The following SLC40A1 variants were observed in gnomAD, a reference collection of about 807,000 sequenced individuals.
The protein encoded by SLC40A1 is solute carrier family 40 member 1.
In SLC40A1, 16 loss-of-function variants were observed where a neutral mutation model predicts 53.5. The ratio of observed to expected loss-of-function variants is 0.30; its 90% confidence interval spans 0.20 to 0.45. SLC40A1 has a LOEUF of 0.45. SLC40A1 is among the 20% of genes least tolerant of loss of function. The probability of loss-of-function intolerance (pLI) is 1.00; values close to 1 mark genes in which losing one functional copy is unlikely to be tolerated. For synonymous variants in SLC40A1, 247 were observed against 253.2 expected, an observed-to-expected ratio of 0.98 and a Z score of 0.23; for missense variants, 545 against 695.4, an observed-to-expected ratio of 0.78 and a Z score of 2.43.
At chr2:189,572,043 T>A (rs1293867983) in intron 4 of SLC40A1, among the ~76,000 whole-genome samples, 1 of 152,108 alleles carries the variant, frequency 6.6e-6, no homozygotes, top group Non-Finnish European at 1.5e-5. Flanking sequence ...CTAACCTGTA[T>A]CATCTAGATC....
chr2:189,567,863 TA>T (rs1233960845), intron 5 of SLC40A1, among the ~76,000 whole-genome samples: 2 of 152,190 alleles, frequency 1.3e-5, no homozygotes, highest in Non-Finnish European at 2.9e-5. Context: ...TGCCTCCCAC[TA>T]ACTAATAAGT....
At chr2:189,577,668 G>T in intron 2 of SLC40A1, among the ~76,000 whole-genome samples, 1 of 145,888 alleles carries the variant, frequency 6.9e-6, no homozygotes, top group Non-Finnish European at 1.5e-5. Flanking sequence ...AGGCTGGAGT[G>T]TAGTGGTGTG....
rs143124977 is a variant in SLC40A1 at position 189,576,303 on chromosome 2, T to C, written c.112-983A>G. Among the ~76,000 whole-genome samples the C allele has an allele frequency of 1.1e-4, 16 of 152,334 alleles. No individual in the cohort carries two copies. The East Asian group carries it at 2.7e-3, about 26-fold the overall frequency. ...AGATTTGACCCTACAGAAATACTTC[T>C]ACTCCTAGTTCTTCCCAAAGTCTGT... On this transcript the variant is annotated intron_variant, in intron 2 of 7. Coordinates refer to ENST00000261024, the MANE Select transcript of SLC40A1 (RefSeq NM_014585.6).
chr2:189,561,834 T>G lies in SLC40A1; in HGVS notation c.*44A>C, dbSNP rs1276192647. ...TTCTGCAGTACAAAATAAGCACATG[T>G]GCTCTATATAATCTAGTAACAGGAT... is the stretch of plus-strand genomic sequence containing the variant. On this transcript the variant is annotated 3_prime_UTR_variant, in exon 8 of 8. Transcript: ENST00000261024. 3 of 1,506,416 alleles carry G rather than the reference T, an allele frequency of 2.0e-6. No individual in the cohort carries two copies. The highest frequency in any genetic ancestry group is 1.1e-5 in the South Asian group (1 of 88,582). 93.3% of individuals were successfully genotyped at this position (1,506,416 alleles called of 1,614,324 possible).
intron 2 of SLC40A1, among the ~76,000 whole-genome samples, chr2:189,579,061 T>G (rs1455807210): frequency 6.6e-6 from 1 of 152,250 alleles, no homozygotes; most frequent in South Asian, 2.1e-4. Flanking sequence ...TTAAAGATTC[T>G]AATCATCACT....
At chr2:189,568,354 T>C (rs952923949) in intron 5 of SLC40A1, among the ~76,000 whole-genome samples, 2 of 152,092 alleles carry the variant, frequency 1.3e-5, no homozygotes, top group Non-Finnish European at 2.9e-5. Context: ...CCGGGCATGG[T>C]GGCGGGCGCC....
intron 7 of SLC40A1, 41 bp from the exon 8 acceptor site, chr2:189,562,232 C>T: frequency 7.0e-7 from 1 of 1,432,756 alleles, no homozygotes; most frequent in Non-Finnish European, 9.6e-7. Flanking sequence ...TTTTAGTTTA[C>T]AGGCATACAT....
chr2:189,575,086 T>G, intron 3 of SLC40A1, 75 bp downstream of exon 3: 1 of 1,529,052 alleles, frequency 6.5e-7, no homozygotes, highest in South Asian at 1.1e-5. Flanking sequence ...CCTAGTTTGT[T>G]GTTTCCTTTG....
At chr2:189,573,512 C>A (rs1169734923) in intron 3 of SLC40A1, among the ~76,000 whole-genome samples, 1 of 152,210 alleles carries the variant, frequency 6.6e-6, no homozygotes. Flanking sequence ...GCTACCCCTT[C>A]CATCACAGAT....
intron 2 of SLC40A1, among the ~76,000 whole-genome samples, chr2:189,576,778 T>G (rs896522655): frequency 6.6e-6 from 1 of 152,220 alleles, no homozygotes; most frequent in Non-Finnish European, 1.5e-5. Context: ...GTTTTCTCTT[T>G]CTTAACATAC....
In SLC40A1 at chr2:189,575,143, TTA is replaced by T; in HGVS notation, c.271+16_271+17del. The stretch of plus-strand genomic sequence containing the variant: ...TGGTCCCATGAATAAAAGGGCTTAA[TTA>T]TATAACAACACTCACCTTTAAGTCT... On this transcript the variant is annotated intron_variant, in intron 3 of 7. Transcript: ENST00000261024. 6.2e-7 allele frequency: 1 copy of T among 1,613,810 alleles called. No individual in the cohort carries two copies. The highest frequency in any genetic ancestry group is 8.5e-7 in the Non-Finnish European group (1 of 1,179,754).
Position 189,563,728 on chromosome 2 carries a change from G to T in SLC40A1, c.1258C>A (p.Pro420Thr), listed in dbSNP as rs957670105. ...SRFIQGESIT[P>T]TKIPEITTEI... is the part of the protein sequence containing the mutation. ...GTTGTAATTTCAGGTATCTTGGTAGGTGTAATTGACTCTCCTTGAATGAAC... is the reference window on the plus strand; with the variant it reads ...GTTGTAATTTCAGGTATCTTGGTAGTTGTAATTGACTCTCCTTGAATGAAC... The change falls in exon 7 of 8, where the codon CCT becomes ACT. Residue 420 changes from proline (P) to threonine (T), a missense_variant. Pro to Thr is a conservative substitution (Grantham distance 38). Transcript: ENST00000261024. The T allele has an allele frequency of 6.2e-6, 10 of 1,614,144 alleles. No individual in the cohort carries two copies. The highest frequency in any genetic ancestry group is 7.6e-6 in the Non-Finnish European group (9 of 1,180,010).
intron 1 of SLC40A1, 31 bp from the exon 2 acceptor site, chr2:189,579,911 C>T: frequency 1.9e-6 from 3 of 1,603,620 alleles, no homozygotes; most frequent in Non-Finnish European, 2.6e-6. Context: ...TGACAAAAAG[C>T]GATGGTAGTC....
At chr2:189,573,229 C>T (rs189356303) in intron 3 of SLC40A1, among the ~76,000 whole-genome samples, 65 of 152,270 alleles carry the variant, frequency 4.3e-4, no homozygotes, top group African/African-American at 1.4e-3. Context: ...ACTACATTTT[C>T]ATTTAGTTTA....
intron 5 of SLC40A1, among the ~76,000 whole-genome samples, chr2:189,567,361 G>A (rs2030970587): frequency 6.6e-6 from 1 of 152,046 alleles, no homozygotes; most frequent in African/African-American, 2.4e-5. Context: ...TCAATAAAGA[G>A]GAAGTTAAAA....
At position 189,575,264 on chromosome 2, in the gene SLC40A1, G is replaced by A; in HGVS notation, c.168C>T (p.Asn56=). The stretch of plus-strand genomic sequence containing the variant: ...CGTAGACTGCTGTCAAAAGGAGGCT[G>A]TTTCCATAGAGCTCTACCAGAAACA... ...VSVFLVELYG[N]SLLLTAVYGL... is the part of the protein sequence containing the mutation. Residue 56 remains asparagine, a synonymous_variant, in exon 3 of 8, where the codon AAC becomes AAT. Transcript: ENST00000261024. 2 of 1,614,138 alleles carry A rather than the reference G, an allele frequency of 1.2e-6. No individual in the cohort carries two copies. The highest frequency in any genetic ancestry group is 1.7e-6 in the Non-Finnish European group (2 of 1,180,008).
intron 1 of SLC40A1, among the ~76,000 whole-genome samples, chr2:189,580,160 GT>G (rs2031410317): frequency 5.7e-5 from 2 of 35,106 alleles, no homozygotes; most frequent in South Asian, 1.2e-3. Flanking sequence ...GGGTTGGTTG[GT>G]TTGTTTGTTT....
intron 3 of SLC40A1, among the ~76,000 whole-genome samples, chr2:189,573,326 A>G (rs1348328732): frequency 1.3e-5 from 2 of 152,234 alleles, no homozygotes; most frequent in Admixed American, 6.5e-5. Flanking sequence ...AGGTAAAACA[A>G]TAACATGTAT....
At chr2:189,568,036 T>C (rs1480560256) in intron 5 of SLC40A1, among the ~76,000 whole-genome samples, 1 of 152,214 alleles carries the variant, frequency 6.6e-6, no homozygotes, top group Non-Finnish European at 1.5e-5. Flanking sequence ...ACCCTTTCAC[T>C]ACTTCAGTTT....
Sources: gnomAD v4.1 joint callset for allele counts (sites outside exome capture counted in the v4.1 genomes callset) on GRCh38, gnomAD v4.1.1 for gene constraint, MANE v1.5 for transcripts, NCBI Gene and HGNC (gene_info 2026-07-23, HGNC 2026-07-21) for gene names.